EGFLAM: variants seen among roughly 807,000 people sequenced by gnomAD.
The protein encoded by EGFLAM is pikachurin.
A neutral mutation model predicts 113.1 loss-of-function variants in EGFLAM; 79 were observed. That is an observed-to-expected ratio of 0.70 (90% CI 0.58 to 0.84). EGFLAM has a LOEUF of 0.84. Ranked by LOEUF, EGFLAM falls within the 40% of genes least tolerant of loss-of-function variation. EGFLAM has a pLI of 0.00. For missense variants in EGFLAM, 1,265 were observed against 1,291.6 expected, an observed-to-expected ratio of 0.98 and a Z score of 0.32; for synonymous variants, 504 against 487.6, an observed-to-expected ratio of 1.03 and a Z score of -0.44.
At chr5:38,413,271 C>T (rs1741542858) in intron 11 of EGFLAM, among the ~76,000 whole-genome samples, 1 of 131,960 alleles carries the variant, frequency 7.6e-6, no homozygotes, top group Admixed American at 9.2e-5. Flanking sequence ...GCAAGCGATT[C>T]TCCCACCTTG....
intron 1 of EGFLAM, among the ~76,000 whole-genome samples, chr5:38,321,040 A>G (rs116557013): frequency 0.011 from 1,726 of 152,266 alleles, 36 homozygotes; most frequent in African/African-American, 0.037. Context: ...TGTTGCAATT[A>G]TTATGTACTT....
At chr5:38,387,252 T>A (rs1044964855) in intron 6 of EGFLAM, among the ~76,000 whole-genome samples, 1 of 152,166 alleles carries the variant, frequency 6.6e-6, no homozygotes. Context: ...TCCACTGGCT[T>A]GTTGCTCTCC....
intron 15 of EGFLAM, among the ~76,000 whole-genome samples, chr5:38,431,784 T>C (rs1742197980): frequency 6.6e-6 from 1 of 152,198 alleles, no homozygotes; most frequent in African/African-American, 2.4e-5. Context: ...ATTATCCTCT[T>C]ATCAATGGGG....
chr5:38,393,457 C>G lies in EGFLAM; in HGVS notation c.713-12669C>G, dbSNP rs192831882. ...TTCGTTTTACTCAGCCCATCACTGG[C>G]CACTCCTCATGGCAGGAAGAGTGCA... is the stretch of plus-strand genomic sequence containing the variant. On this transcript the variant is annotated intron_variant, in intron 6 of 21. Transcript: ENST00000322350. Among the ~76,000 whole-genome samples, 97 of 151,422 alleles carry G rather than the reference C, an allele frequency of 6.4e-4. 1 individual carries two copies. Among genetic ancestry groups the G allele is most frequent in the African/African-American group, 2.3e-3 (92 of 40,698 alleles).
At position 38,464,234 on chromosome 5, in the gene EGFLAM, A is replaced by C. The variant is rs1338245230; in HGVS notation, c.*248A>C. 7 of 490,774 alleles carry C rather than the reference A, an allele frequency of 1.4e-5. No individual in the cohort carries two copies. Among genetic ancestry groups the C allele is most frequent in the Non-Finnish European group, 2.5e-5 (7 of 276,630 alleles). 30.4% of individuals were successfully genotyped at this position (490,774 alleles called of 1,614,324 possible). A position where few individuals can be genotyped will look rare whatever the true frequency, so the allele number is the denominator to read the frequency against. On this transcript the variant is annotated 3_prime_UTR_variant, in exon 22 of 22. Transcript: ENST00000322350. ...GGAAGCATCGGACTTTGTCCATTGAATATGTAGCGGCTGCCAGAGATCACA... is the reference window on the plus strand; with the variant it reads ...GGAAGCATCGGACTTTGTCCATTGACTATGTAGCGGCTGCCAGAGATCACA...
At chr5:38,411,213 A>G (rs1741465166) in intron 10 of EGFLAM, among the ~76,000 whole-genome samples, 1 of 152,130 alleles carries the variant, frequency 6.6e-6, no homozygotes, top group African/African-American at 2.4e-5. Flanking sequence ...GCGGATCACG[A>G]GGTCAGGAGA....
At chr5:38,384,584 C>T (rs1479486305) in intron 6 of EGFLAM, among the ~76,000 whole-genome samples, 1 of 152,140 alleles carries the variant, frequency 6.6e-6, no homozygotes, top group East Asian at 1.9e-4. Context: ...CCGGGAACAC[C>T]TGCTGTGTCC....
intron 1 of EGFLAM, among the ~76,000 whole-genome samples, chr5:38,301,722 G>A (rs1027591134): frequency 5.3e-5 from 8 of 152,050 alleles, no homozygotes; most frequent in African/African-American, 1.9e-4. Flanking sequence ...GGGGTAGGGT[G>A]GGAATGAGAT....
At chr5:38,271,401 T>C (rs1235493023) in intron 1 of EGFLAM, among the ~76,000 whole-genome samples, 2 of 152,216 alleles carry the variant, frequency 1.3e-5, no homozygotes, top group Non-Finnish European at 2.9e-5. Flanking sequence ...CCTATCACTG[T>C]TGCATTTAAT....
intron 1 of EGFLAM, among the ~76,000 whole-genome samples, chr5:38,298,678 A>G (rs187805708): frequency 1.3e-5 from 2 of 152,270 alleles, no homozygotes; most frequent in African/African-American, 4.8e-5. Context: ...TTATATATTA[A>G]GCATGGTTTT....
Position 38,438,444 on chromosome 5 carries a change from A to G in EGFLAM, c.2453A>G (p.His818Arg), listed in dbSNP as rs756979332. 1.2e-6 allele frequency: 2 copies of G among 1,608,744 alleles called. No homozygotes were observed. The highest frequency in any genetic ancestry group is 2.7e-5 in the African/African-American group (2 of 74,970). Residue 818 changes from histidine (H) to arginine (R), a missense_variant, in exon 17 of 22, where the codon CAC becomes CGC. By Grantham distance (29) the His-to-Arg change is conservative. Transcript: ENST00000322350. ...CDCPLGFEGL[H>R]CQKAIIEAIE... ...TGCCCCTTGGGCTTTGAGGGGCTTCACTGCCAGAAAGGTACGCTCAGGGGT... is the reference window on the plus strand; with the variant it reads ...TGCCCCTTGGGCTTTGAGGGGCTTCGCTGCCAGAAAGGTACGCTCAGGGGT...
chr5:38,363,554 A>G (rs1739982946), intron 5 of EGFLAM, among the ~76,000 whole-genome samples: 1 of 152,232 alleles, frequency 6.6e-6, no homozygotes, highest in Non-Finnish European at 1.5e-5. Flanking sequence ...GGTTGCACAT[A>G]TCTCAAAATA....
intron 1 of EGFLAM, among the ~76,000 whole-genome samples, chr5:38,270,368 C>T (rs1757737877): frequency 6.6e-6 from 1 of 152,136 alleles, no homozygotes; most frequent in Non-Finnish European, 1.5e-5. Flanking sequence ...ATTTGTTAGA[C>T]CTTCAATGTG....
At chr5:38,387,151 A>G (rs1740683935) in intron 6 of EGFLAM, among the ~76,000 whole-genome samples, 1 of 152,148 alleles carries the variant, frequency 6.6e-6, no homozygotes, top group Non-Finnish European at 1.5e-5. Flanking sequence ...ATAGCCACAG[A>G]TATTGTCCAG....
chr5:38,404,106 G>T (rs1741202732), intron 6 of EGFLAM, among the ~76,000 whole-genome samples: 2 of 152,092 alleles, frequency 1.3e-5, no homozygotes, highest in African/African-American at 2.4e-5. Flanking sequence ...GTCTGGTCTG[G>T]GAGGAGATTG....
intron 1 of EGFLAM, among the ~76,000 whole-genome samples, chr5:38,314,239 T>C (rs1478826847): frequency 6.6e-6 from 1 of 152,240 alleles, no homozygotes; most frequent in Non-Finnish European, 1.5e-5. Flanking sequence ...ATCTGTTGAA[T>C]AATTCATCCA....
rs150356192 is a variant in EGFLAM, at chr5:38,319,205, C to T, written c.98-18315C>T. ...GAGTGAGACATTCTCTTTAGACCTT[C>T]AGACTGGGGATGACTGGAACCTGAG... On this transcript the variant is annotated intron_variant, in intron 1 of 21. Transcript: ENST00000322350. Among the ~76,000 whole-genome samples, 18 of 152,282 alleles carry T rather than the reference C, an allele frequency of 1.2e-4. No individual in the cohort carries two copies. The East Asian group carries it at 2.7e-3, about 23-fold the overall frequency.
At chr5:38,385,541 T>C (rs918236972) in intron 6 of EGFLAM, among the ~76,000 whole-genome samples, 3 of 152,264 alleles carry the variant, frequency 2.0e-5, no homozygotes, top group Admixed American at 6.5e-5. Context: ...CATATTTTTT[T>C]CCAAATATTT....
At chr5:38,358,446 CAA>C (rs34444620) in intron 5 of EGFLAM, among the ~76,000 whole-genome samples, 4 of 74,110 alleles carry the variant, frequency 5.4e-5, no homozygotes, top group South Asian at 7.2e-4. Context: ...GACTCCGTCT[CAA>C]AAAAAAAAAA....
Sources: gnomAD v4.1 joint callset for allele counts (sites outside exome capture counted in the v4.1 genomes callset) on GRCh38, gnomAD v4.1.1 for gene constraint, MANE v1.5 for transcripts, NCBI Gene and HGNC (gene_info 2026-07-23, HGNC 2026-07-21) for gene names.